Variants in FAM186A observed in about 807,000 individuals in gnomAD.
FAM186A encodes family with sequence similarity 186 member A.
FAM186A carries 163 observed loss-of-function variants against 216.8 expected under a neutral mutation model. That is an observed-to-expected ratio of 0.75 (90% CI 0.66 to 0.86). FAM186A has a LOEUF of 0.86. Ranked by LOEUF, FAM186A falls within the 40% of genes least tolerant of loss-of-function variation. The pLI is 0.00. For synonymous variants in FAM186A, 805 were observed against 1,025.3 expected (o/e 0.79, Z 4.10); for missense variants, 2,184 against 2,746.2 (o/e 0.80, Z 4.58).
chr12:50,382,672 C>T (rs1357842160), intron 1 of FAM186A, among the ~76,000 whole-genome samples: 1 of 152,000 alleles, frequency 6.6e-6, no homozygotes, highest in East Asian at 1.9e-4. Context: ...TGCACTCCAG[C>T]CTGGGCAACA....
At position 50,375,911 on chromosome 12, in the gene FAM186A, C is replaced by G. The variant is rs548458362; in HGVS notation, c.193-12547G>C. On this transcript the variant is annotated intron_variant, in intron 1 of 7. Transcript: ENST00000327337. ...CTGCCCTCAGATCGTGATACCGGCC[C>G]GGATCCCATGCCTGCCAAGGGTGAG... Among the ~76,000 whole-genome samples the G allele has an allele frequency of 4.3e-3, 660 of 151,998 alleles. 5 individuals carry two copies. Among genetic ancestry groups the G allele is most frequent in the African/African-American group, 0.015 (618 of 41,468 alleles).
intron 2 of FAM186A, 72 bp downstream of exon 2, chr12:50,363,073 A>T: frequency 7.9e-7 from 1 of 1,266,828 alleles, no homozygotes; most frequent in Non-Finnish European, 1.1e-6. Context: ...ATCCTTCAAA[A>T]TTTACTTATA....
intron 1 of FAM186A, among the ~76,000 whole-genome samples, chr12:50,383,729 T>C (rs1943276398): frequency 6.6e-6 from 1 of 152,152 alleles, no homozygotes; most frequent in Non-Finnish European, 1.5e-5. Context: ...AACTTCTAAT[T>C]GCCATGTACA....
intron 1 of FAM186A, among the ~76,000 whole-genome samples, chr12:50,391,856 C>G (rs756308419): frequency 1.2e-4 from 18 of 152,104 alleles, no homozygotes; most frequent in Non-Finnish European, 2.5e-4. Flanking sequence ...GAAATGAAAG[C>G]ATATATCTGT....
chr12:50,352,793 A>ATT lies in FAM186A; in HGVS notation c.4038_4039insAA (p.Leu1347AsnfsTer186). On this transcript the variant is annotated frameshift_variant, in exon 4 of 8. Transcript: ENST00000327337. LOFTEE classifies it high-confidence loss of function. ...TGCTGAGTGGTGAGAGGCATCCCCA[A>ATT]GGCCTGGGCCTGCTGAGGGGTGAGA... 7.7e-7 allele frequency: 1 copy of ATT among 1,295,264 alleles called. No homozygotes were observed. 80.2% of individuals were successfully genotyped at this position (1,295,264 alleles called of 1,614,324 possible). A position where few individuals can be genotyped will look rare whatever the true frequency, so the allele number is the denominator to read the frequency against.
At chr12:50,348,315 A>T (rs1942841516) in intron 4 of FAM186A, among the ~76,000 whole-genome samples, 1 of 151,694 alleles carries the variant, frequency 6.6e-6, no homozygotes, top group Admixed American at 6.6e-5. Flanking sequence ...ATGGGATTAC[A>T]GTTGCCCACC....
intron 4 of FAM186A, among the ~76,000 whole-genome samples, chr12:50,337,418 C>A (rs1253185528): frequency 1.3e-5 from 2 of 150,022 alleles, no homozygotes; most frequent in African/African-American, 4.9e-5. Flanking sequence ...CCTCAGCCCC[C>A]CTCGGTAGCT....
chr12:50,383,285 A>AGATT, intron 1 of FAM186A, among the ~76,000 whole-genome samples: 1 of 119,338 alleles, frequency 8.4e-6, no homozygotes, highest in Non-Finnish European at 1.9e-5. Context: ...AAAAAGAGAG[A>AGATT]GAGAGAGAGA....
At chr12:50,342,478 TA>T (rs995749089) in intron 4 of FAM186A, among the ~76,000 whole-genome samples, 2 of 150,290 alleles carry the variant, frequency 1.3e-5, no homozygotes. Context: ...TTTTATTTTT[TA>T]AAATTTTTTT....
chr12:50,386,909 A>G (rs977849606), intron 1 of FAM186A, among the ~76,000 whole-genome samples: 1 of 151,986 alleles, frequency 6.6e-6, no homozygotes, highest in African/African-American at 2.4e-5. Context: ...TTATGATTTC[A>G]TCCCAGATGG....
At chr12:50,386,346 T>A (rs1943303494) in intron 1 of FAM186A, among the ~76,000 whole-genome samples, 1 of 151,774 alleles carries the variant, frequency 6.6e-6, no homozygotes, top group Non-Finnish European at 1.5e-5. Flanking sequence ...CGCTTGAACC[T>A]GGGAGGTGGA....
At chr12:50,379,305 T>C (rs1943230642) in intron 1 of FAM186A, among the ~76,000 whole-genome samples, 1 of 151,250 alleles carries the variant, frequency 6.6e-6, no homozygotes, top group African/African-American at 2.4e-5. Flanking sequence ...CCGAATGTGG[T>C]GGTGGGCGCC....
At position 50,351,227 on chromosome 12, in the gene FAM186A, T is replaced by C; in HGVS notation, c.5605A>G (p.Ile1869Val). ...CCAGATTCCAGGAGGTCCCCAGGGA[T>C]GGAAGAGGCTTCAGGAACTAAGGGC... Reference protein sequence around the residue: ...GQPLVPEASSIPGDLLESGPL... With the variant: ...GQPLVPEASSVPGDLLESGPL... The change falls in exon 4 of 8, where the codon ATC (isoleucine) becomes GTC (valine). Residue 1869 changes from isoleucine to valine, a missense_variant. This residue lies in a region of FAM186A where 721 missense variants were observed against 816.4 expected (regional missense o/e 0.88). Coordinates refer to ENST00000327337, the MANE Select transcript of FAM186A (RefSeq NM_001145475.3). 4 of 1,551,484 alleles carry C rather than the reference T, an allele frequency of 2.6e-6. 1 individual carries two copies. In the South Asian group the frequency reaches 4.8e-5, roughly 18 times the overall value.
chr12:50,361,028 G>A (rs1943029457), intron 2 of FAM186A, 102 bp from the exon 3 acceptor site: 2 of 787,164 alleles, frequency 2.5e-6, no homozygotes, highest in African/African-American at 3.5e-5. Flanking sequence ...AGTAATATTG[G>A]GGAATATAGG....
intron 3 of FAM186A, among the ~76,000 whole-genome samples, chr12:50,359,693 G>A (rs755113970): frequency 2.6e-5 from 4 of 152,098 alleles, no homozygotes; most frequent in Non-Finnish European, 5.9e-5. Context: ...CCAAACAACT[G>A]TGTAAACTAA....
At position 50,331,625 on chromosome 12, in the gene FAM186A, C is replaced by T. The variant is rs1011081479; in HGVS notation, c.6848+45G>A. On this transcript the variant is annotated intron_variant, in intron 6 of 7. Transcript: ENST00000327337. The stretch of plus-strand genomic sequence containing the variant: ...TTGGGCAGGGAAAAAAAAATTAGGT[C>T]CCACATATCGTCCAAAGTTTAATAT... The T allele has an allele frequency of 2.6e-6, 4 of 1,509,664 alleles. No homozygotes were observed. In the African/African-American group the frequency reaches 4.3e-5, roughly 16 times the overall value. The allele number at this position is 1,509,664 out of a possible 1,614,324, so 93.5% of individuals were successfully genotyped here. A position where few individuals can be genotyped will look rare whatever the true frequency, so the allele number is the denominator to read the frequency against.
At chr12:50,341,450 A>G (rs901584161) in intron 4 of FAM186A, among the ~76,000 whole-genome samples, 1 of 152,206 alleles carries the variant, frequency 6.6e-6, no homozygotes, top group East Asian at 1.9e-4. Context: ...TTATGATTGT[A>G]TAAAGTCATA....
chr12:50,356,298 T>C, intron 3 of FAM186A, 50 bp from the exon 4 acceptor site: 1 of 1,415,680 alleles, frequency 7.1e-7, no homozygotes, highest in South Asian at 1.5e-5. Flanking sequence ...TCTTTTGCAT[T>C]GTGTTCTATC....
At chr12:50,385,203 A>G (rs1033619333) in intron 1 of FAM186A, among the ~76,000 whole-genome samples, 9 of 150,256 alleles carry the variant, frequency 6.0e-5, no homozygotes, top group Non-Finnish European at 1.2e-4. Context: ...GTGGATCATG[A>G]GGTCAGGAGT....
Sources: allele counts gnomAD v4.1 joint callset (sites outside exome capture counted in the v4.1 genomes callset), GRCh38; gene constraint gnomAD v4.1.1; regional missense constraint gnomAD v4.1.1; transcripts MANE v1.5; gene names NCBI Gene and HGNC (gene_info 2026-07-23, HGNC 2026-07-21).